GPS2: variants seen among roughly 807,000 people sequenced by gnomAD.
GPS2 encodes GPS-2.
In GPS2, 22 loss-of-function variants were observed where a neutral mutation model predicts 48.1. The observed-to-expected ratio is 0.46, with a 90% confidence interval of 0.33 to 0.65. The LOEUF is 0.65. Among genes scored for constraint, GPS2 ranks in the 30% least tolerant of loss-of-function variants. GPS2 has a pLI of 0.03. For missense variants in GPS2, 366 were observed against 406.8 expected, an observed-to-expected ratio of 0.90 and a Z score of 0.86; for synonymous variants, 202 against 142.5, an observed-to-expected ratio of 1.42 and a Z score of -2.98.
rs1216350362 is a variant in GPS2, at chr17:7,314,129, G to A, written c.348C>T (p.Tyr116=). The A allele has an allele frequency of 3.7e-6, 6 of 1,614,090 alleles. No individual in the cohort carries two copies. The highest frequency in any genetic ancestry group is 4.2e-6 in the Non-Finnish European group (5 of 1,179,944). ...CTGTGTGAACAGTCAGGCTCTGCTG[G>A]TATGCAGCTGATGTTAGGGTGGTCA... ...SDLTTLTSAA[Y]QQSLTVHTGT... is the part of the protein sequence containing the mutation. Residue 116 remains tyrosine, a synonymous_variant, in exon 5 of 11, where the codon TAC becomes TAT. Coordinates refer to ENST00000380728, the MANE Select transcript of GPS2 (RefSeq NM_004489.5).
chr17:7,313,497 A>C, intron 7 of GPS2, 28 bp from the exon 8 acceptor site: 1 of 1,613,956 alleles, frequency 6.2e-7, no homozygotes, highest in Non-Finnish European at 8.5e-7. Flanking sequence ...AGAGCCATTA[A>C]AATCTTTTAC....
At chr17:7,312,929 G>C (rs1292029859) in intron 10 of GPS2, 90 bp from the exon 11 acceptor site, 1 of 1,485,512 alleles carries the variant, frequency 6.7e-7, no homozygotes, top group East Asian at 2.3e-5. Context: ...CAAAGAGGAA[G>C]GAAAAACCAG....
At chr17:7,313,189 A>G (rs1361851720) in intron 9 of GPS2, 23 bp downstream of exon 9, 2 of 1,611,808 alleles carry the variant, frequency 1.2e-6, no homozygotes, top group African/African-American at 2.7e-5. Context: ...CCTAACCCTG[A>G]CCTCCCAAGG....
In GPS2 at chr17:7,313,603, G is replaced by A. The variant is rs1212911898; in HGVS notation, c.599C>T (p.Thr200Ile). 4 of 1,614,098 alleles carry A rather than the reference G, an allele frequency of 2.5e-6. No homozygotes were observed. The highest frequency in any genetic ancestry group is 8.5e-7 in the Non-Finnish European group (1 of 1,180,020). ...TAQPPPHYGP[T>I]QPAYSPSQQL... is the part of the protein sequence containing the mutation. ...CTGACTAGGACTATAAGCTGGCTGT[G>A]TGGGCCCATAGTGAGGTGGGGGCTG... Residue 200 changes from threonine (T) to isoleucine (I), a missense_variant, in exon 7 of 11, where the codon ACA becomes ATA. Around this residue, in one of 3 missense-constraint regions of GPS2, gnomAD observed 275 missense variants for 282.3 expected, o/e 0.97. Transcript: ENST00000380728.
chr17:7,314,257 G>T (rs759579428), intron 4 of GPS2, 34 bp downstream of exon 4: 5 of 1,598,174 alleles, frequency 3.1e-6, no homozygotes, highest in Non-Finnish European at 4.3e-6. Flanking sequence ...GTTCCACTTG[G>T]CCCCCATTTC....
chr17:7,313,834 G>T, intron 6 of GPS2, 72 bp downstream of exon 6: 2 of 1,565,298 alleles, frequency 1.3e-6, no homozygotes, highest in Non-Finnish European at 1.8e-6. Context: ...TGATATGTTT[G>T]TGACTTGAAT....
At chr17:7,314,673 A>C (rs1282776736) in intron 2 of GPS2, 76 bp from the exon 3 acceptor site, 2 of 1,605,082 alleles carry the variant, frequency 1.2e-6, no homozygotes, top group African/African-American at 2.7e-5. Context: ...AGACCAGCAA[A>C]ACCCAGTCAT....
At position 7,312,825 on chromosome 17, in the gene GPS2, A is replaced by T; in HGVS notation, c.915T>A (p.Ala305=). The change falls in exon 11 of 11, where the codon GCT becomes GCA. Residue 305 remains alanine (A), a synonymous_variant. Transcript: ENST00000380728. ...GGAGCCGAGGGCCAGGTTGGCTGGTAGCTGCAAAGCCCGACTGGTGGTGGT... is the reference window on the plus strand; with the variant it reads ...GGAGCCGAGGGCCAGGTTGGCTGGTTGCTGCAAAGCCCGACTGGTGGTGGT... ...MQPAGKSGFA[A]TSQPGPRLPF... is the part of the protein sequence containing the mutation. The T allele has an allele frequency of 6.2e-7, 1 of 1,613,972 alleles. No individual in the cohort carries two copies. Among genetic ancestry groups the T allele is most frequent in the Non-Finnish European group, 8.5e-7 (1 of 1,179,894 alleles).
chr17:7,313,588 C>T lies in GPS2; in HGVS notation c.614G>A (p.Ser205Asn). The change falls in exon 7 of 11, where the codon AGT becomes AAT. Residue 205 changes from serine (S) to asparagine (N), a missense_variant. Ser to Asn is a conservative substitution (Grantham distance 46). Around this residue, in one of 3 missense-constraint regions of GPS2, gnomAD observed 275 missense variants for 282.3 expected, o/e 0.97. Coordinates refer to ENST00000380728, the MANE Select transcript of GPS2 (RefSeq NM_004489.5). Reference protein sequence around the residue: ...PHYGPTQPAYSPSQQLRAPSA... With the variant: ...PHYGPTQPAYNPSQQLRAPSA... ...CTCACCTCTGAGCTGCTGACTAGGA[C>T]TATAAGCTGGCTGTGTGGGCCCATA... The T allele has an allele frequency of 6.2e-7, 1 of 1,614,060 alleles. No homozygotes were observed. Among genetic ancestry groups the T allele is most frequent in the South Asian group, 1.1e-5 (1 of 91,058 alleles).
rs377373738 is a variant in GPS2, at chr17:7,313,308, G to A, written c.725-17C>T. 50 of 1,612,998 alleles carry A rather than the reference G, an allele frequency of 3.1e-5. No individual in the cohort carries two copies. Among genetic ancestry groups the A allele is most frequent in the African/African-American group, 1.3e-4 (10 of 74,824 alleles). ...GGAGGAAACCTAGGTGGGGAAGAGG[G>A]GCATGTGAGATGAGAATGAAACAGG... On this transcript the variant is annotated splice_polypyrimidine_tract_variant and intron_variant, in intron 8 of 10. Transcript: ENST00000380728.
Position 7,314,117 on chromosome 17 carries a change from C to A in GPS2, c.360G>T (p.Leu120=). 1 of 1,614,132 alleles carries A rather than the reference C, an allele frequency of 6.2e-7. No homozygotes were observed. Among genetic ancestry groups the A allele is most frequent in the Non-Finnish European group, 8.5e-7 (1 of 1,180,020 alleles). ...GGAGATGAGTTCCTGTGTGAACAGTCAGGCTCTGCTGGTATGCAGCTGATG... is the reference window on the plus strand; with the variant it reads ...GGAGATGAGTTCCTGTGTGAACAGTAAGGCTCTGCTGGTATGCAGCTGATG... ...TLTSAAYQQS[L]TVHTGTHLLS... Residue 120 remains leucine, a synonymous_variant, in exon 5 of 11, where the codon CTG becomes CTT. Coordinates refer to ENST00000380728, the MANE Select transcript of GPS2 (RefSeq NM_004489.5).
intron 6 of GPS2, 88 bp downstream of exon 6, chr17:7,313,818 A>G: frequency 6.4e-7 from 1 of 1,568,708 alleles, no homozygotes; most frequent in Non-Finnish European, 8.8e-7. Context: ...CCTAAACTTA[A>G]GTGCTTGATA....
intron 2 of GPS2, 94 bp from the exon 3 acceptor site, chr17:7,314,691 C>A (rs1019983907): frequency 1.3e-6 from 2 of 1,592,220 alleles, no homozygotes; most frequent in African/African-American, 2.7e-5. Context: ...CATCCCAACA[C>A]GCCTGTATGC....
At position 7,314,123 on chromosome 17, in the gene GPS2, C is replaced by T. The variant is rs762940203; in HGVS notation, c.354G>A (p.Gln118=). The change falls in exon 5 of 11, where the codon CAG becomes CAA. Residue 118 remains glutamine, a synonymous_variant. Transcript: ENST00000380728. The part of the protein sequence containing the change: ...LTTLTSAAYQ[Q]SLTVHTGTHL... ...GAGTTCCTGTGTGAACAGTCAGGCT[C>T]TGCTGGTATGCAGCTGATGTTAGGG... 9 of 1,614,026 alleles carry T rather than the reference C, an allele frequency of 5.6e-6. No homozygotes were observed. The African/African-American group carries it at 9.3e-5, about 17-fold the overall frequency.
intron 2 of GPS2, 101 bp downstream of exon 2, chr17:7,314,858 G>A (rs2072916488): frequency 5.7e-6 from 8 of 1,403,638 alleles, no homozygotes; most frequent in Admixed American, 3.9e-5. Flanking sequence ...CCTCCTCTGC[G>A]CTCGGCAGCG....
intron 1 of GPS2, 78 bp from the exon 2 acceptor site, chr17:7,315,197 C>T (rs1374842207): frequency 1.6e-5 from 7 of 436,076 alleles, no homozygotes; most frequent in Non-Finnish European, 2.3e-5. Context: ...CTCGCCGCCC[C>T]GGTCACGTGT....
chr17:7,313,427 T>A lies in GPS2; in HGVS notation c.677A>T (p.Gln226Leu). 6.2e-7 allele frequency: 1 copy of A among 1,614,182 alleles called. No individual in the cohort carries two copies. ...FPAVQYLSQP[Q>L]PQPYAVHGHF... The stretch of plus-strand genomic sequence containing the variant: ...GCCATGCACAGCATAGGGCTGTGGC[T>A]GTGGCTGAGATAGGTACTGCACTGC... The change falls in exon 8 of 11, where the codon CAG (glutamine) becomes CTG (leucine). Residue 226 changes from glutamine to leucine, a missense_variant. Physicochemically the swap from Gln to Leu is moderately radical, Grantham distance 113. Coordinates refer to ENST00000380728, the MANE Select transcript of GPS2 (RefSeq NM_004489.5).
chr17:7,313,326 G>A (rs1567615450), intron 8 of GPS2, 35 bp from the exon 9 acceptor site: 20 of 1,611,508 alleles, frequency 1.2e-5, no homozygotes, highest in Non-Finnish European at 1.7e-5. Flanking sequence ...AGATGAGAAT[G>A]AAACAGGGAG....
rs1277778679 is a variant in GPS2, at chr17:7,314,323, A to G, written c.285T>C (p.His95=). 6.2e-7 allele frequency: 1 copy of G among 1,614,096 alleles called. No individual in the cohort carries two copies. Among genetic ancestry groups the G allele is most frequent in the East Asian group, 2.2e-5 (1 of 44,878 alleles). ...CCTTTCGCCTCCGTTTTTCTTCCTC[A>G]TGTAAAACTTTCTTGAGCTGCAGGA... ...QLFLQLKKVL[H]EEEKRRRKEQ... is the part of the protein sequence containing the mutation. Residue 95 remains histidine (H), a synonymous_variant, in exon 4 of 11, where the codon CAT becomes CAC. Transcript: ENST00000380728.
Sources: allele counts gnomAD v4.1 joint callset, GRCh38; gene constraint gnomAD v4.1.1; regional missense constraint gnomAD v4.1.1; transcripts MANE v1.5; gene names NCBI Gene and HGNC (gene_info 2026-07-23, HGNC 2026-07-21).